TUSC3: variants seen among roughly 807,000 people sequenced by gnomAD.
TUSC3 encodes the protein dolichyl-diphosphooligosaccharide--protein glycosyltransferase subunit TUSC3.
Under a neutral mutation model 44.8 loss-of-function variants are expected in TUSC3, and 45 were observed. The ratio of observed to expected loss-of-function variants is 1.00; its 90% CI spans 0.79 to 1.29. TUSC3 has a LOEUF of 1.29. Among genes scored for constraint, TUSC3 ranks in the 50% most tolerant of loss-of-function variants. The pLI is 0.00. For synonymous variants in TUSC3, 212 were observed against 152.9 expected, an observed-to-expected ratio of 1.39 and a Z score of -2.85; for missense variants, 519 against 437.9, an observed-to-expected ratio of 1.19 and a Z score of -1.65.
intron 1 of TUSC3, among the ~76,000 whole-genome samples, chr8:15,570,265 TACACACACACACACACAC>T (rs3070896): frequency 4.1e-5 from 6 of 148,060 alleles, no homozygotes; most frequent in Admixed American, 1.4e-4. Flanking sequence ...TAATGTATTT[TACACACACACACACACAC>T]ACACACACAC....
At chr8:15,562,044 T>C (rs561593596) in intron 1 of TUSC3, among the ~76,000 whole-genome samples, 12 of 152,208 alleles carry the variant, frequency 7.9e-5, no homozygotes, top group African/African-American at 2.2e-4. Flanking sequence ...AAATCAATTT[T>C]TAAGTAGGCC....
chr8:15,781,639 G>A, the TUSC3 span, among the ~76,000 whole-genome samples: 1 of 152,164 alleles, frequency 6.6e-6, no homozygotes, highest in Non-Finnish European at 1.5e-5. Context: ...TGAGCCAAGA[G>A]ATTGAAATAG....
chr8:15,626,764 C>T (rs934009485), intron 2 of TUSC3, among the ~76,000 whole-genome samples: 12 of 152,170 alleles, frequency 7.9e-5, no homozygotes, highest in African/African-American at 2.7e-4. Flanking sequence ...AGCTGACATG[C>T]CAGCCCCCTG....
At chr8:15,535,688 C>T (rs548855202), upstream of TUSC3, among the ~76,000 whole-genome samples, 10 of 152,050 alleles carry the variant, frequency 6.6e-5, 1 homozygote, top group Middle Eastern at 3.4e-3. Flanking sequence ...TGCATCCTAA[C>T]GGGGAAAGAC....
At chr8:15,616,734 C>G (rs1805001338) in intron 1 of TUSC3, among the ~76,000 whole-genome samples, 2 of 152,196 alleles carry the variant, frequency 1.3e-5, no homozygotes, top group African/African-American at 4.8e-5. Flanking sequence ...GACCTCGAGA[C>G]TCCCTGAGCA....
chr8:15,745,460 A>G (rs920639787), intron 8 of TUSC3, among the ~76,000 whole-genome samples: 3 of 151,812 alleles, frequency 2.0e-5, no homozygotes, highest in African/African-American at 7.3e-5. Context: ...CCACGACCTC[A>G]CCGGTATGTG....
chr8:15,772,646 T>G, the TUSC3 span, among the ~76,000 whole-genome samples: 1 of 152,188 alleles, frequency 6.6e-6, no homozygotes, highest in African/African-American at 2.4e-5. Flanking sequence ...AAGTAACACT[T>G]CCTAATTCTG....
chr8:15,431,907 T>G (rs1799877871), intron 1 of TUSC3, among the ~76,000 whole-genome samples: 1 of 152,012 alleles, frequency 6.6e-6, no homozygotes, highest in African/African-American at 2.4e-5. Context: ...TTTCTGTGTC[T>G]ATTAGAAATT....
chr8:15,713,817 G>A (rs369564763), intron 6 of TUSC3, among the ~76,000 whole-genome samples: 1 of 152,046 alleles, frequency 6.6e-6, no homozygotes, highest in South Asian at 2.1e-4. Context: ...GGTACTGGGG[G>A]TTTTGGACTT....
At chr8:15,422,178 T>C (rs1384161764) in intron 1 of TUSC3, among the ~76,000 whole-genome samples, 2 of 152,220 alleles carry the variant, frequency 1.3e-5, no homozygotes, top group Non-Finnish European at 2.9e-5. Context: ...ACAGATACTA[T>C]GGTTTTTTAT....
At chr8:15,569,997 A>C (rs1166919294) in intron 1 of TUSC3, among the ~76,000 whole-genome samples, 2 of 152,086 alleles carry the variant, frequency 1.3e-5, no homozygotes, top group Non-Finnish European at 2.9e-5. Flanking sequence ...AAATAGGTTT[A>C]TTTGTATCCA....
At chr8:15,564,956 T>C (rs549150357) in intron 1 of TUSC3, among the ~76,000 whole-genome samples, 4 of 152,264 alleles carry the variant, frequency 2.6e-5, no homozygotes, top group South Asian at 2.1e-4. Flanking sequence ...TGGGCAGATA[T>C]GAGGTTTGAA....
intron 1 of TUSC3, among the ~76,000 whole-genome samples, chr8:15,609,319 C>G (rs563680826): frequency 2.6e-5 from 4 of 152,234 alleles, no homozygotes; most frequent in Admixed American, 6.5e-5. Context: ...TAATGTATTA[C>G]TACAATAGAG....
chr8:15,797,802 T>C, the TUSC3 span, among the ~76,000 whole-genome samples: 11 of 152,194 alleles, frequency 7.2e-5, no homozygotes, highest in Admixed American at 7.2e-4. Flanking sequence ...GCTATCAATC[T>C]GTGTAATGAA....
At chr8:15,796,129 T>C in the TUSC3 span, among the ~76,000 whole-genome samples, 5 of 152,022 alleles carry the variant, frequency 3.3e-5, no homozygotes, top group African/African-American at 1.2e-4. Flanking sequence ...AAATACAGGG[T>C]CCTTTCCTTT....
At chr8:15,475,560 G>C (rs1167010812) in intron 1 of TUSC3, among the ~76,000 whole-genome samples, 1 of 152,118 alleles carries the variant, frequency 6.6e-6, no homozygotes, top group East Asian at 1.9e-4. Flanking sequence ...ACCCTGTACA[G>C]ATGCTGTCAC....
chr8:15,463,718 A>G (rs1800378158), intron 1 of TUSC3, among the ~76,000 whole-genome samples: 1 of 152,186 alleles, frequency 6.6e-6, no homozygotes, highest in Non-Finnish European at 1.5e-5. Context: ...TAAAGAGAAT[A>G]TAAAGGGAAA....
In TUSC3 at chr8:15,764,666, C is replaced by A. The variant is rs141126690; in HGVS notation, c.*510C>A. On this transcript the variant is annotated 3_prime_UTR_variant, in exon 11 of 11. Transcript: ENST00000503731. ...CAGTTATAAAGGACGTGCACTGTTA[C>A]GAATAGTGTTTTGTTATTAATTATA... 5.8e-4 allele frequency: 96 copies of A among 165,108 alleles called. 3 individuals are homozygous for A. The East Asian group carries it at 0.015, about 25-fold the overall frequency. 10.2% of individuals were successfully genotyped at this position (165,108 alleles called of 1,614,324 possible).
intron 3 of TUSC3, among the ~76,000 whole-genome samples, chr8:15,654,255 C>T: frequency 6.6e-6 from 1 of 152,060 alleles, no homozygotes; most frequent in Non-Finnish European, 1.5e-5. Context: ...ATAGACGTCT[C>T]TCATATATCC....
Sources: allele counts gnomAD v4.1 joint callset (sites outside exome capture counted in the v4.1 genomes callset), GRCh38; gene constraint gnomAD v4.1.1; transcripts MANE v1.5; gene names NCBI Gene and HGNC (gene_info 2026-07-23, HGNC 2026-07-21).